Variants in PITPNM2 observed in about 807,000 individuals in gnomAD.
The protein encoded by PITPNM2 is phosphatidylinositol transfer protein membrane associated 2.
Under a neutral mutation model 132.2 loss-of-function variants are expected in PITPNM2, and 35 were observed. That is an observed-to-expected ratio of 0.26 (90% CI 0.20 to 0.35). PITPNM2 has a LOEUF of 0.35. Among genes scored for constraint, PITPNM2 ranks in the 10% least tolerant of loss-of-function variants. The probability of loss-of-function intolerance (pLI) is 1.00; values close to 1 mark genes in which losing one functional copy is unlikely to be tolerated. For missense variants in PITPNM2, 1,332 were observed against 1,912.0 expected, an observed-to-expected ratio of 0.70 and a Z score of 5.66; for synonymous variants, 738 against 799.2, an observed-to-expected ratio of 0.92 and a Z score of 1.29.
intron 2 of PITPNM2, among the ~76,000 whole-genome samples, chr12:123,067,453 T>TCACACACA (rs55716436): frequency 1.2e-4 from 17 of 136,744 alleles, no homozygotes; most frequent in African/African-American, 2.8e-4. Context: ...TGAAACTCCA[T>TCACACACA]CACACACACA....
intron 2 of PITPNM2, among the ~76,000 whole-genome samples, chr12:123,063,181 G>A (rs2041305299): frequency 6.6e-6 from 1 of 152,226 alleles, no homozygotes; most frequent in Admixed American, 6.5e-5. Flanking sequence ...GCAAGGGTAG[G>A]CAGGAATGAG....
intron 3 of PITPNM2, among the ~76,000 whole-genome samples, chr12:123,018,629 G>A (rs2039541853): frequency 6.6e-6 from 1 of 151,638 alleles, no homozygotes; most frequent in African/African-American, 2.4e-5. Context: ...ATTTTCTTTT[G>A]TAGAGAATGG....
chr12:123,084,404 G>A (rs1016126190), intron 2 of PITPNM2: 6 of 152,216 alleles, frequency 3.9e-5, no homozygotes, highest in Non-Finnish European at 7.3e-5. Context: ...TGTTTCCCTG[G>A]GAATAAGGCT....
intron 2 of PITPNM2, among the ~76,000 whole-genome samples, chr12:123,107,468 A>ACC (rs2042745680): frequency 6.6e-6 from 1 of 151,460 alleles, no homozygotes; most frequent in Admixed American, 6.6e-5. Flanking sequence ...ACCACCTGCC[A>ACC]CCCCCACCTT....
At position 123,064,981 on chromosome 12, in the gene PITPNM2, C is replaced by T. The variant is rs2041366578; in HGVS notation, c.-95-30296G>A. Among the ~76,000 whole-genome samples, 2 of 152,228 alleles carry T rather than the reference C, an allele frequency of 1.3e-5. No individual in the cohort carries two copies. The highest frequency in any genetic ancestry group is 4.1e-4 in the South Asian group (2 of 4,832). ...ACTGGGCACCTGAGATGTCCTCAGC[C>T]TGGGCCTGCCATGCCCTGCTCACCC... On this transcript the variant is annotated intron_variant, in intron 2 of 25. Coordinates refer to ENST00000320201, the MANE Select transcript of PITPNM2 (RefSeq NM_020845.3). This position sits in a 1 kb window ranked among gnomAD's most constrained non-coding sequence, Gnocchi z 4.0.
Position 123,022,775 on chromosome 12 carries a change from T to C in PITPNM2, c.79-8733A>G, listed in dbSNP as rs957321099. On this transcript the variant is annotated intron_variant, in intron 3 of 25. Coordinates refer to ENST00000320201, the MANE Select transcript of PITPNM2 (RefSeq NM_020845.3). This position sits in a 1 kb window ranked among gnomAD's most constrained non-coding sequence, Gnocchi z 4.9. Reference sequence around the variant, plus strand: ...ATCAGAACCCCCAACCCCTACCTAATAGGCACCAGGCATGGTGGGTAGCTG... The same window carrying C: ...ATCAGAACCCCCAACCCCTACCTAACAGGCACCAGGCATGGTGGGTAGCTG... 6.6e-6 allele frequency among the ~76,000 whole-genome samples: 1 copy of C among 152,088 alleles called. No individual in the cohort carries two copies. Among genetic ancestry groups the C allele is most frequent in the Non-Finnish European group, 1.5e-5 (1 of 67,998 alleles).
Position 123,028,256 on chromosome 12 carries a change from G to A in PITPNM2, c.78+6257C>T, listed in dbSNP as rs1241578387. Among the ~76,000 whole-genome samples the A allele has an allele frequency of 7.2e-5, 11 of 152,178 alleles. No individual in the cohort carries two copies. The East Asian group carries it at 1.9e-3, about 27-fold the overall frequency. On this transcript the variant is annotated intron_variant, in intron 3 of 25. Coordinates refer to ENST00000320201, the MANE Select transcript of PITPNM2 (RefSeq NM_020845.3). ...GATTTTGTTTTCTCACCTTTAACAC[G>A]GTGTATATTGAGTGCTGCTCCAGCA...
At position 122,996,526 on chromosome 12, in the gene PITPNM2, A is replaced by T. The variant is rs752293118; in HGVS notation, c.1714T>A (p.Cys572Ser). Reference sequence around the variant, plus strand: ...TCAGACACCGGCTGGTTACTGTAGCACAGGGCATCAAATGCCAGGATGCCC... The same window carrying T: ...TCAGACACCGGCTGGTTACTGTAGCTCAGGGCATCAAATGCCAGGATGCCC... ...VGGILAFDAL[C>S]YSNQPVSESQ... is the part of the protein sequence containing the mutation. Residue 572 changes from cysteine to serine, a missense_variant, in exon 13 of 26, where the codon TGC becomes AGC. This residue lies in a region of PITPNM2 where 710 missense variants were observed against 911.5 expected (regional missense o/e 0.78). Transcript: ENST00000320201. 4.0e-5 allele frequency: 65 copies of T among 1,612,964 alleles called. No individual in the cohort carries two copies. Among genetic ancestry groups the T allele is most frequent in the Non-Finnish European group, 5.4e-5 (64 of 1,180,020 alleles).
intron 1 of PITPNM2, among the ~76,000 whole-genome samples, chr12:123,130,343 A>G (rs1004671905): frequency 3.9e-5 from 6 of 152,180 alleles, no homozygotes; most frequent in African/African-American, 1.4e-4. Flanking sequence ...AGAGATAATT[A>G]TAGATGCAAA....
chr12:122,987,718 C>T, intron 21 of PITPNM2, 59 bp from the exon 22 acceptor site: 2 of 1,611,910 alleles, frequency 1.2e-6, no homozygotes, highest in Non-Finnish European at 1.7e-6. Flanking sequence ...CCCCTGCACC[C>T]CGGCCAGAGG....
At chr12:123,091,390 T>G (rs2042262702) in intron 2 of PITPNM2, 1 of 152,234 alleles carries the variant, frequency 6.6e-6, no homozygotes, top group African/African-American at 2.4e-5. Context: ...TGACTGAGGC[T>G]TATCAATTTC....
chr12:122,994,697 A>G lies in PITPNM2; in HGVS notation c.2233+104T>C. 12 of 1,284,174 alleles carry G rather than the reference A, an allele frequency of 9.3e-6. No homozygotes were observed. In the South Asian group the frequency reaches 1.7e-4, roughly 19 times the overall value. 79.5% of individuals were successfully genotyped at this position (1,284,174 alleles called of 1,614,324 possible). ...GGGGAAGACAGGAAGGAGGGCAGAA[A>G]CAGGCCTGGGACGTGGCCATGATCT... On this transcript the variant is annotated intron_variant, in intron 15 of 25. Transcript: ENST00000320201. The surrounding 1 kb of genome is among the most constrained non-coding windows in gnomAD (Gnocchi z 5.4).
chr12:123,050,202 C>T (rs1028940268), intron 2 of PITPNM2, among the ~76,000 whole-genome samples: 4 of 152,162 alleles, frequency 2.6e-5, no homozygotes, highest in African/African-American at 9.7e-5. Flanking sequence ...TTCTGATGGG[C>T]AGGTTTGGGA....
At chr12:123,149,298 C>T (rs1055276744) in intron 1 of PITPNM2, among the ~76,000 whole-genome samples, 1 of 152,194 alleles carries the variant, frequency 6.6e-6, no homozygotes, top group South Asian at 2.1e-4. Flanking sequence ...GAGTCTTTGC[C>T]TGGCCATCTT....
At chr12:123,070,962 G>T (rs777077717) in intron 2 of PITPNM2, among the ~76,000 whole-genome samples, 4 of 152,242 alleles carry the variant, frequency 2.6e-5, no homozygotes, top group African/African-American at 4.8e-5. Flanking sequence ...AGGGAAGGAG[G>T]CCAGCAGAGA....
chr12:123,135,734 G>A (rs1412049029), intron 1 of PITPNM2, among the ~76,000 whole-genome samples: 7 of 152,074 alleles, frequency 4.6e-5, no homozygotes, highest in South Asian at 2.1e-4. Context: ...GTCTCGCTAC[G>A]CTGCCCAGGC....
At chr12:123,113,336 T>C (rs2042877668) in intron 1 of PITPNM2, among the ~76,000 whole-genome samples, 1 of 152,220 alleles carries the variant, frequency 6.6e-6, no homozygotes, top group Admixed American at 6.5e-5. Context: ...AGACCATGCA[T>C]GGCCTTTGAC....
chr12:123,101,052 C>A (rs1376448355), intron 2 of PITPNM2, among the ~76,000 whole-genome samples: 3 of 152,242 alleles, frequency 2.0e-5, no homozygotes, highest in Non-Finnish European at 2.9e-5. Flanking sequence ...GTGCCAGGAG[C>A]CACTCCTATT....
rs1485673151 is a variant in PITPNM2, at chr12:123,022,571, C to T, written c.79-8529G>A. Among the ~76,000 whole-genome samples, 1 of 152,156 alleles carries T rather than the reference C, an allele frequency of 6.6e-6. No individual in the cohort carries two copies. On this transcript the variant is annotated intron_variant, in intron 3 of 25. Coordinates refer to ENST00000320201, the MANE Select transcript of PITPNM2 (RefSeq NM_020845.3). This position sits in a 1 kb window ranked among gnomAD's most constrained non-coding sequence, Gnocchi z 4.9. ...TCAGTTTACAACTTGCCTTTGCACC[C>T]ACCTGTTCTCTGCACTTCAGAGCCC...
Sources: gnomAD v4.1 joint callset for allele counts (sites outside exome capture counted in the v4.1 genomes callset) on GRCh38, gnomAD v4.1.1 for gene constraint, gnomAD v4.1.1 regional missense constraint, Gnocchi (gnomAD v3.1) non-coding constraint, MANE v1.5 for transcripts, NCBI Gene and HGNC (gene_info 2026-07-23, HGNC 2026-07-21) for gene names.